The following IGSF23 variants were observed in gnomAD, a reference collection of about 807,000 sequenced individuals.
IGSF23 encodes immunoglobulin superfamily member 23, also known as immunoglobulin superfamily, member 23.
In IGSF23, 14 loss-of-function variants were observed where a neutral mutation model predicts 17.8. The observed-to-expected ratio is 0.79, with a 90% CI of 0.52 to 1.23. IGSF23 has a LOEUF of 1.23. Among genes scored for constraint, IGSF23 ranks in the 50% most tolerant of loss-of-function variants. IGSF23 has a pLI of 0.00. For missense variants in IGSF23, 214 were observed against 241.7 expected, an observed-to-expected ratio of 0.89 and a Z score of 0.76; for synonymous variants, 85 against 92.5, an observed-to-expected ratio of 0.92 and a Z score of 0.46.
At chr19:44,620,382 TGTGA>T (rs1170224255) in intron 1 of IGSF23, among the ~76,000 whole-genome samples, 7 of 140,192 alleles carry the variant, frequency 5.0e-5, no homozygotes, top group East Asian at 4.4e-4. Flanking sequence ...TGTGTGTGTG[TGTGA>T]GATGGAGCCT....
Position 44,623,846 on chromosome 19 carries a change from C to T in IGSF23, c.265C>T (p.Pro89Ser). The change falls in exon 2 of 5, where the codon CCC becomes TCC. Residue 89 changes from proline (P) to serine (S), a missense_variant. Physicochemically the swap from Pro to Ser is moderately conservative, Grantham distance 74 (BLOSUM62 -1). Transcript: ENST00000402988. ...GCTGAGCTGGACCTTCAGTGGGGTG[C>T]CCTGTGGGATGGGAGAGAAGCTGTT... The part of the protein sequence containing the change: ...PVLSWTFSGV[P>S]CGMGEKLFIR... The T allele has an allele frequency of 6.4e-7, 1 of 1,550,872 alleles. No homozygotes were observed. Among genetic ancestry groups the T allele is most frequent in the African/African-American group, 1.4e-5 (1 of 73,166 alleles).
chr19:44,635,280 G>C, intron 3 of IGSF23, 121 bp from the exon 4 acceptor site: 1 of 736,718 alleles, frequency 1.4e-6, no homozygotes, highest in Non-Finnish European at 2.2e-6. Context: ...TCCAAATATA[G>C]TCACATTGGA....
intron 3 of IGSF23, among the ~76,000 whole-genome samples, chr19:44,631,267 A>G (rs1005656087): frequency 6.6e-6 from 1 of 151,850 alleles, no homozygotes; most frequent in African/African-American, 2.4e-5. Context: ...ACTCTGTCTC[A>G]ATAAACATTT....
At chr19:44,630,227 T>C (rs1972736085) in intron 3 of IGSF23, among the ~76,000 whole-genome samples, 1 of 152,178 alleles carries the variant, frequency 6.6e-6, no homozygotes, top group African/African-American at 2.4e-5. Context: ...CCATGAGTCC[T>C]GCACACAACC....
chr19:44,619,076 C>T (rs1972453918), intron 1 of IGSF23, among the ~76,000 whole-genome samples: 1 of 151,984 alleles, frequency 6.6e-6, no homozygotes, highest in African/African-American at 2.4e-5. Flanking sequence ...AAGGAGCCCT[C>T]AGGGAGCTTT....
intron 3 of IGSF23, among the ~76,000 whole-genome samples, chr19:44,629,007 C>T (rs1423974995): frequency 6.6e-6 from 1 of 152,128 alleles, no homozygotes; most frequent in Non-Finnish European, 1.5e-5. Flanking sequence ...CTGGCATGTT[C>T]AGGAAATAGT....
chr19:44,628,396 C>T (rs1373759076), intron 3 of IGSF23, among the ~76,000 whole-genome samples: 1 of 152,132 alleles, frequency 6.6e-6, no homozygotes, highest in Non-Finnish European at 1.5e-5. Context: ...CCTCATGGAA[C>T]TTGCATCCTG....
chr19:44,627,426 T>C lies in IGSF23; in HGVS notation c.398T>C (p.Ile133Thr). ...ACCCCTCCTTGGTCCCCAGAACCCA[T>C]CATGCAGCCCACAGAAGCAGAGCCC... ...EPVTISLPKPIMQPTEAEPME... is the reference protein window; with the variant it reads ...EPVTISLPKPTMQPTEAEPME... Residue 133 changes from isoleucine to threonine, a missense_variant, in exon 3 of 5, where the codon ATC becomes ACC. Physicochemically the swap from Ile to Thr is moderately conservative, Grantham distance 89. Coordinates refer to ENST00000402988, the MANE Select transcript of IGSF23 (RefSeq NM_001205280.2). The C allele has an allele frequency of 1.3e-6, 2 of 1,538,178 alleles. No individual in the cohort carries two copies. The highest frequency in any genetic ancestry group is 1.8e-6 in the Non-Finnish European group (2 of 1,137,932).
rs1372477382 is a variant in IGSF23, at chr19:44,627,676, A to T, written c.545+103A>T. 9 of 1,317,830 alleles carry T rather than the reference A, an allele frequency of 6.8e-6. No homozygotes were observed. The Admixed American group carries it at 2.0e-4, about 29-fold the overall frequency. The allele number at this position is 1,317,830 out of a possible 1,614,324, so 81.6% of individuals were successfully genotyped here. A position where few individuals can be genotyped will look rare whatever the true frequency, so the allele number is the denominator to read the frequency against. ...AAACAGAGATGAAACCAACACCCCCATCAGGGAGGGTGATAGCGACTCCTG... is the reference window on the plus strand; with the variant it reads ...AAACAGAGATGAAACCAACACCCCCTTCAGGGAGGGTGATAGCGACTCCTG... On this transcript the variant is annotated intron_variant, in intron 3 of 4. Coordinates refer to ENST00000402988, the MANE Select transcript of IGSF23 (RefSeq NM_001205280.2).
chr19:44,620,440 C>A (rs1047776140), intron 1 of IGSF23, among the ~76,000 whole-genome samples: 2 of 151,378 alleles, frequency 1.3e-5, no homozygotes, highest in African/African-American at 4.9e-5. Flanking sequence ...GATCTCGGCT[C>A]ACTACAACCT....
At chr19:44,619,483 C>T (rs1972462781) in intron 1 of IGSF23, among the ~76,000 whole-genome samples, 1 of 152,200 alleles carries the variant, frequency 6.6e-6, no homozygotes, top group Admixed American at 6.5e-5. Flanking sequence ...GAAAACAAAG[C>T]CCTGAGAGTA....
At chr19:44,626,434 C>G (rs1972648664) in intron 2 of IGSF23, among the ~76,000 whole-genome samples, 1 of 152,186 alleles carries the variant, frequency 6.6e-6, no homozygotes, top group South Asian at 2.1e-4. Flanking sequence ...TGGGAACACT[C>G]TGGTGACCAA....
At chr19:44,633,861 G>C (rs1361255179) in intron 3 of IGSF23, among the ~76,000 whole-genome samples, 1 of 152,028 alleles carries the variant, frequency 6.6e-6, no homozygotes, top group Non-Finnish European at 1.5e-5. Flanking sequence ...TCCCACATAC[G>C]GCACAATCAG....
chr19:44,624,081 T>C lies in IGSF23; in HGVS notation c.391+109T>C. The C allele has an allele frequency of 5.4e-6, 5 of 926,502 alleles. No individual in the cohort carries two copies. The South Asian group carries it at 6.8e-5, about 13-fold the overall frequency. The allele number at this position is 926,502 out of a possible 1,614,324, so 57.4% of individuals were successfully genotyped here. On this transcript the variant is annotated intron_variant, in intron 2 of 4. Coordinates refer to ENST00000402988, the MANE Select transcript of IGSF23 (RefSeq NM_001205280.2). ...AAGCCACCTACTATGAGCAGTCCCC[T>C]GTGAGACCCTTTATAGGCAAAATGT...
rs549421317 is a variant in IGSF23, at chr19:44,618,683, G to A, written c.125+4913G>A. Among the ~76,000 whole-genome samples, 23 of 152,248 alleles carry A rather than the reference G, an allele frequency of 1.5e-4. No individual in the cohort carries two copies. The East Asian group carries it at 2.1e-3, about 14-fold the overall frequency. On this transcript the variant is annotated intron_variant, in intron 1 of 4. Transcript: ENST00000402988. ...TGGCTGGAGTGATGGGGATGAGTGG[G>A]CCACATAGCCTCCCAACCTCCAGCA...
At position 44,623,823 on chromosome 19, in the gene IGSF23, T is replaced by C. The variant is rs1257276330; in HGVS notation, c.242T>C (p.Leu81Pro). The change falls in exon 2 of 5, where the codon CTG becomes CCG. Residue 81 changes from leucine to proline, a missense_variant. Transcript: ENST00000402988. ...WVVTMDPEPV[L>P]SWTFSGVPCG... Reference sequence around the variant, plus strand: ...GTGACAATGGACCCTGAGCCTGTGCTGAGCTGGACCTTCAGTGGGGTGCCC... The same window carrying C: ...GTGACAATGGACCCTGAGCCTGTGCCGAGCTGGACCTTCAGTGGGGTGCCC... 1 of 1,550,968 alleles carries C rather than the reference T, an allele frequency of 6.4e-7. No homozygotes were observed. Among genetic ancestry groups the C allele is most frequent in the East Asian group, 2.4e-5 (1 of 40,922 alleles).
At chr19:44,631,474 G>A (rs139982084) in intron 3 of IGSF23, among the ~76,000 whole-genome samples, 3,700 of 152,166 alleles carry the variant, frequency 0.024, 157 homozygotes, top group African/African-American at 0.084. Context: ...TGTAATCCCA[G>A]CTATTTGGGA....
At chr19:44,631,196 G>T (rs1489820354) in intron 3 of IGSF23, among the ~76,000 whole-genome samples, 1 of 152,184 alleles carries the variant, frequency 6.6e-6, no homozygotes, top group Admixed American at 6.5e-5. Context: ...GAGTCTGGGA[G>T]TTCGAGGTGG....
chr19:44,621,626 CA>C (rs34494637), intron 1 of IGSF23, among the ~76,000 whole-genome samples: 8,215 of 139,948 alleles, frequency 0.059, 253 homozygotes, highest in South Asian at 0.12. Flanking sequence ...GACCCTGTCT[CA>C]AAAAAAAAAA....
Sources: gnomAD v4.1 joint callset for allele counts (sites outside exome capture counted in the v4.1 genomes callset) on GRCh38, gnomAD v4.1.1 for gene constraint, MANE v1.5 for transcripts, NCBI Gene and HGNC (gene_info 2026-07-23, HGNC 2026-07-21) for gene names.